PRKN: variants seen among roughly 807,000 people sequenced by gnomAD.
PRKN encodes the protein parkin RBR E3 ubiquitin protein ligase, also known as E3 ubiquitin-protein ligase parkin.
In PRKN, 56 loss-of-function variants were observed where a neutral mutation model predicts 59.5. The ratio of observed to expected loss-of-function variants is 0.94; its 90% CI spans 0.76 to 1.18. The LOEUF is 1.18. Ranked by LOEUF, PRKN falls within the 50% of genes most tolerant of loss-of-function variation. PRKN has a pLI of 0.00. For missense variants in PRKN, 657 were observed against 596.4 expected (o/e 1.10, Z -1.06); for synonymous variants, 250 against 222.1 (o/e 1.13, Z -1.12).
chr6:161,667,299 C>T (rs760543638), intron 7 of PRKN, among the ~76,000 whole-genome samples: 13 of 152,208 alleles, frequency 8.5e-5, no homozygotes, highest in Admixed American at 2.6e-4. Context: ...GCTAGACTTT[C>T]TTGCTGGTCC....
rs1425217293 is a variant in PRKN, at chr6:161,588,530, T to G, written c.872-19114A>C. On this transcript the variant is annotated intron_variant, in intron 7 of 11. Coordinates refer to ENST00000366898, the MANE Select transcript of PRKN (RefSeq NM_004562.3). The surrounding 1 kb of genome is among the most constrained non-coding windows in gnomAD (Gnocchi z 5.0). ...GTTTGCTGGTGTTGCTCTTGCTTTTTTTAATGAAGGGAAGACTGGAAAAGG... is the reference window on the plus strand; with the variant it reads ...GTTTGCTGGTGTTGCTCTTGCTTTTGTTAATGAAGGGAAGACTGGAAAAGG... Among the ~76,000 whole-genome samples, 1 of 152,158 alleles carries G rather than the reference T, an allele frequency of 6.6e-6. No individual in the cohort carries two copies.
At chr6:162,383,676 C>A (rs1786622399) in intron 2 of PRKN, among the ~76,000 whole-genome samples, 1 of 152,180 alleles carries the variant, frequency 6.6e-6, no homozygotes, top group Non-Finnish European at 1.5e-5. Flanking sequence ...AAAGGGCAGG[C>A]TGTTCTTGGA....
intron 1 of PRKN, among the ~76,000 whole-genome samples, chr6:162,498,444 T>TC (rs1248643089): frequency 2.7e-5 from 3 of 112,978 alleles, no homozygotes; most frequent in Non-Finnish European, 5.6e-5. Flanking sequence ...TTTTTCTTTT[T>TC]TTTTTTTTTT....
intron 7 of PRKN, among the ~76,000 whole-genome samples, chr6:161,746,415 A>G (rs1788415724): frequency 6.6e-6 from 1 of 151,994 alleles, no homozygotes; most frequent in African/African-American, 2.4e-5. Flanking sequence ...GTCTAAGTCC[A>G]GAATCCCCCC....
intron 3 of PRKN, among the ~76,000 whole-genome samples, chr6:162,224,642 G>C (rs543130753): frequency 1.3e-5 from 2 of 152,288 alleles, no homozygotes; most frequent in South Asian, 2.1e-4. Context: ...GGAATTAACA[G>C]AGAGGCTGCA....
Position 161,592,341 on chromosome 6 carries a change from C to T in PRKN, c.872-22925G>A, listed in dbSNP as rs148344366. Among the ~76,000 whole-genome samples, 5 of 152,178 alleles carry T rather than the reference C, an allele frequency of 3.3e-5. No homozygotes were observed. Among genetic ancestry groups the T allele is most frequent in the African/African-American group, 1.2e-4 (5 of 41,506 alleles). On this transcript the variant is annotated intron_variant, in intron 7 of 11. Coordinates refer to ENST00000366898, the MANE Select transcript of PRKN (RefSeq NM_004562.3). This position sits in a 1 kb window ranked among gnomAD's most constrained non-coding sequence, Gnocchi z 4.8. ...GACTGAGGAGCAAAATATAAGGAGA[C>T]AATGCATTAAGCCCATCTGTTAATT...
chr6:161,451,642 G>GA lies in PRKN; in HGVS notation c.1084-64766dup, dbSNP rs1261879135. ...GAATATGAGCAAGATGATTCCAAGA[G>GA]AAAGTGGCAGTCAACAGTGGTTTTG... On this transcript the variant is annotated intron_variant, in intron 9 of 11. Transcript: ENST00000366898. The surrounding 1 kb of genome is among the most constrained non-coding windows in gnomAD (Gnocchi z 5.9). 6.6e-6 allele frequency among the ~76,000 whole-genome samples: 1 copy of GA among 152,214 alleles called. No individual in the cohort carries two copies. Among genetic ancestry groups the GA allele is most frequent in the Non-Finnish European group, 1.5e-5 (1 of 68,046 alleles).
chr6:162,472,442 C>T (rs894398516), intron 1 of PRKN, among the ~76,000 whole-genome samples: 2 of 141,368 alleles, frequency 1.4e-5, no homozygotes, highest in African/African-American at 5.3e-5. Context: ...TGAGAACATG[C>T]AGTCCAAACT....
intron 1 of PRKN, chr6:162,694,662 C>T (rs1425611741): frequency 6.6e-6 from 1 of 152,124 alleles, no homozygotes; most frequent in Non-Finnish European, 1.5e-5. Context: ...TTTAATCTTT[C>T]ATACTTAAGA....
rs143867686 is a variant in PRKN at position 161,610,893 on chromosome 6, C to T, written c.872-41477G>A. On this transcript the variant is annotated intron_variant, in intron 7 of 11. Coordinates refer to ENST00000366898, the MANE Select transcript of PRKN (RefSeq NM_004562.3). Reference sequence around the variant, plus strand: ...GAGAGGGGTGGTCACAAGGTGTCACCGAAGAGGTAGAGAGGAATCTGGCAC... The same window carrying T: ...GAGAGGGGTGGTCACAAGGTGTCACTGAAGAGGTAGAGAGGAATCTGGCAC... Among the ~76,000 whole-genome samples, 1,218 of 152,122 alleles carry T rather than the reference C, an allele frequency of 8.0e-3. 29 individuals carry two copies. The highest frequency in any genetic ancestry group is 0.028 in the African/African-American group (1,174 of 41,488).
chr6:162,646,550 C>T (rs563319214), intron 1 of PRKN, among the ~76,000 whole-genome samples: 3 of 152,212 alleles, frequency 2.0e-5, no homozygotes, highest in African/African-American at 7.2e-5. Context: ...TCCCAAACTG[C>T]TTGGATTACA....
intron 5 of PRKN, among the ~76,000 whole-genome samples, chr6:161,980,650 T>C (rs945023267): frequency 1.3e-5 from 2 of 152,150 alleles, no homozygotes; most frequent in Admixed American, 6.5e-5. Context: ...AGTCTGACAA[T>C]GAATGGGATG....
intron 1 of PRKN, among the ~76,000 whole-genome samples, chr6:162,555,650 A>C (rs1324665552): frequency 6.6e-6 from 1 of 152,162 alleles, no homozygotes; most frequent in Non-Finnish European, 1.5e-5. Context: ...AAAAAATTTA[A>C]GTTTCATCTA....
chr6:161,549,198 G>A lies in PRKN; in HGVS notation c.934-195C>T, dbSNP rs111675670. 9.5e-3 allele frequency among the ~76,000 whole-genome samples: 1,450 copies of A among 152,164 alleles called. 28 individuals are homozygous for A. The highest frequency in any genetic ancestry group is 0.032 in the African/African-American group (1,329 of 41,506). On this transcript the variant is annotated intron_variant, in intron 8 of 11. Coordinates refer to ENST00000366898, the MANE Select transcript of PRKN (RefSeq NM_004562.3). The surrounding 1 kb of genome is among the most constrained non-coding windows in gnomAD (Gnocchi z 6.0). ...GGGAGGACGAATATGGTTCAATGCA[G>A]TAAAAGTCTACCAAATTCAACTGGC...
chr6:161,411,251 C>T (rs577057140), intron 9 of PRKN, among the ~76,000 whole-genome samples: 4 of 152,168 alleles, frequency 2.6e-5, no homozygotes, highest in African/African-American at 7.2e-5. Flanking sequence ...TGGAGATAAT[C>T]GAATCATGGG....
At chr6:161,693,904 A>G (rs551169564) in intron 7 of PRKN, among the ~76,000 whole-genome samples, 1 of 152,372 alleles carries the variant, frequency 6.6e-6, no homozygotes, top group Non-Finnish European at 1.5e-5. Context: ...TATTTACCGT[A>G]TATCACAGAT....
intron 2 of PRKN, among the ~76,000 whole-genome samples, chr6:162,368,281 A>G (rs1785560114): frequency 6.6e-6 from 1 of 151,950 alleles, no homozygotes; most frequent in African/African-American, 2.4e-5. Flanking sequence ...GCTTCTTATG[A>G]CTCTAAAATG....
rs762381216 is a variant in PRKN at position 161,454,153 on chromosome 6, G to A, written c.1084-67276C>T. 3.9e-5 allele frequency among the ~76,000 whole-genome samples: 6 copies of A among 152,166 alleles called. No individual in the cohort carries two copies. In the East Asian group the frequency reaches 1.2e-3, roughly 29 times the overall value. Reference sequence around the variant, plus strand: ...CTAAAAGTAACAATGTACACAACTCGCTAGGGTTGCCAGCAGCATTTTGGC... The same window carrying A: ...CTAAAAGTAACAATGTACACAACTCACTAGGGTTGCCAGCAGCATTTTGGC... On this transcript the variant is annotated intron_variant, in intron 9 of 11. Coordinates refer to ENST00000366898, the MANE Select transcript of PRKN (RefSeq NM_004562.3). The surrounding 1 kb of genome is among the most constrained non-coding windows in gnomAD (Gnocchi z 4.6).
chr6:162,376,744 A>G (rs1275294569), intron 2 of PRKN, among the ~76,000 whole-genome samples: 3 of 117,962 alleles, frequency 2.5e-5, no homozygotes, highest in Non-Finnish European at 5.3e-5. Flanking sequence ...GGAGTGGGAG[A>G]GGGAGACGGA....
Sources: allele counts gnomAD v4.1 joint callset (sites outside exome capture counted in the v4.1 genomes callset), GRCh38; gene constraint gnomAD v4.1.1; non-coding constraint Gnocchi (gnomAD v3.1); transcripts MANE v1.5; gene names NCBI Gene and HGNC (gene_info 2026-07-23, HGNC 2026-07-21).